The following TTC12 variants were observed in gnomAD, a reference collection of about 807,000 sequenced individuals.
TTC12 encodes tetratricopeptide repeat protein 12.
Under a neutral mutation model 90.1 loss-of-function variants are expected in TTC12, and 70 were observed. That is an observed-to-expected ratio of 0.78 (90% CI 0.64 to 0.95). The LOEUF (loss-of-function observed/expected upper bound fraction) is 0.95, where lower values mean the gene tolerates loss of function less well. TTC12 is among the 40% of genes least tolerant of loss of function. The pLI is 0.00. For synonymous variants in TTC12, 296 were observed against 311.5 expected (o/e 0.95, Z 0.53); for missense variants, 819 against 846.1 (o/e 0.97, Z 0.40).
rs972740340 is a variant in TTC12 at position 113,352,279 on chromosome 11, A to G, written c.1446+72A>G. On this transcript the variant is annotated intron_variant, in intron 16 of 21. Coordinates refer to ENST00000529221, the MANE Select transcript of TTC12 (RefSeq NM_017868.4). Reference sequence around the variant, plus strand: ...GCATTAGCGTCTTCTTAGTTATCTGACTTTTCCAAAAATTCTGTTTCTGTG... The same window carrying G: ...GCATTAGCGTCTTCTTAGTTATCTGGCTTTTCCAAAAATTCTGTTTCTGTG... 9 of 1,599,642 alleles carry G rather than the reference A, an allele frequency of 5.6e-6. No homozygotes were observed. In the Admixed American group the frequency reaches 1.4e-4, roughly 25 times the overall value.
chr11:113,341,998 C>G lies in TTC12; in HGVS notation c.985+73C>G, dbSNP rs1354164638. The stretch of plus-strand genomic sequence containing the variant: ...GGAACTACGCTGTTGGGTGGACTGT[C>G]CTCCCCAAAGGCCAGGCCCTGGAAA... On this transcript the variant is annotated intron_variant, in intron 12 of 21. Coordinates refer to ENST00000529221, the MANE Select transcript of TTC12 (RefSeq NM_017868.4). The G allele has an allele frequency of 9.8e-6, 13 of 1,332,032 alleles. 1 individual carries two copies. The highest frequency in any genetic ancestry group is 3.6e-4 in the Middle Eastern group (2 of 5,516). 82.5% of individuals were successfully genotyped at this position (1,332,032 alleles called of 1,614,324 possible).
intron 16 of TTC12, among the ~76,000 whole-genome samples, chr11:113,356,123 G>A (rs1253166543): frequency 6.6e-6 from 1 of 152,216 alleles, no homozygotes; most frequent in Non-Finnish European, 1.5e-5. Flanking sequence ...GGATGTTTCT[G>A]TGTTTGGTGC....
Position 113,338,943 on chromosome 11 carries a change from A to C in TTC12, c.637+109A>C, listed in dbSNP as rs868967571. 9.3e-6 allele frequency: 9 copies of C among 971,602 alleles called. No homozygotes were observed. The Middle Eastern group carries it at 1.9e-3, about 205-fold the overall frequency. 60.2% of individuals were successfully genotyped at this position (971,602 alleles called of 1,614,324 possible). A position where few individuals can be genotyped will look rare whatever the true frequency, so the allele number is the denominator to read the frequency against. On this transcript the variant is annotated intron_variant, in intron 9 of 21. Transcript: ENST00000529221. ...GCCCTTGGCCACTAGGCAGCGGCGG[A>C]TCCTCTTTCCTGCACAGTTGGGTCC... is the stretch of plus-strand genomic sequence containing the variant.
intron 2 of TTC12, among the ~76,000 whole-genome samples, chr11:113,321,122 A>G (rs1034896308): frequency 2.0e-5 from 3 of 152,198 alleles, no homozygotes; most frequent in Admixed American, 6.5e-5. Flanking sequence ...AGAAATCCAA[A>G]TGGGTGCAAA....
intron 20 of TTC12, 137 bp downstream of exon 20, chr11:113,364,064 A>G: frequency 1.6e-6 from 1 of 614,876 alleles, no homozygotes; most frequent in African/African-American, 1.9e-5. Flanking sequence ...TGTTTACAGA[A>G]GATGTTTCAC....
At chr11:113,324,500 A>G (rs570912421) in intron 4 of TTC12, 105 bp from the exon 5 acceptor site, 6 of 784,788 alleles carry the variant, frequency 7.6e-6, no homozygotes, top group Admixed American at 4.7e-5. Context: ...GCCTGTGTGC[A>G]TATGCATACG....
rs201618097 is a variant in TTC12, at chr11:113,364,934, C to A, written c.1916C>A (p.Ala639Glu). 6.2e-7 allele frequency: 1 copy of A among 1,614,136 alleles called. No individual in the cohort carries two copies. Among genetic ancestry groups the A allele is most frequent in the Admixed American group, 1.7e-5 (1 of 60,026 alleles). Residue 639 changes from alanine to glutamate, a missense_variant, in exon 21 of 22, where the codon GCG becomes GAG. Physicochemically the swap from Ala to Glu is moderately radical, Grantham distance 107. Coordinates refer to ENST00000529221, the MANE Select transcript of TTC12 (RefSeq NM_017868.4). ...AACTGCATGGAGGTGCCCAACGTTG[C>A]GTCTTCCCTGCTAAAGACGGACCTT... ...LGNCMEVPNV[A>E]SSLLKTDLLQ...
In TTC12 at chr11:113,316,310, A is replaced by G; in HGVS notation, c.53A>G (p.Glu18Gly). Residue 18 changes from glutamate to glycine, a missense_variant, in exon 2 of 22, where the codon GAA (glutamate) becomes GGA (glycine). Coordinates refer to ENST00000529221, the MANE Select transcript of TTC12 (RefSeq NM_017868.4). Reference sequence around the variant, plus strand: ...CAGAAATTTCTTAAAAATGTGGATGAAATCTGTAAGTACTAGTAAATCATA... The same window carrying G: ...CAGAAATTTCTTAAAAATGTGGATGGAATCTGTAAGTACTAGTAAATCATA... ...DLQKFLKNVD[E>G]ISNLIQEMNS... The G allele has an allele frequency of 6.9e-7, 1 of 1,450,434 alleles. No homozygotes were observed. The highest frequency in any genetic ancestry group is 2.4e-5 in the East Asian group (1 of 41,106). The allele number at this position is 1,450,434 out of a possible 1,614,324, so 89.8% of individuals were successfully genotyped here.
chr11:113,326,344 T>TTG (rs1947694738), intron 6 of TTC12, among the ~76,000 whole-genome samples: 1 of 152,120 alleles, frequency 6.6e-6, no homozygotes, highest in East Asian at 1.9e-4. Flanking sequence ...AGTTTAGTTT[T>TTG]TGTGTGGTAG....
chr11:113,324,214 A>G (rs1211688686), intron 4 of TTC12, 199 bp downstream of exon 4: 5 of 559,778 alleles, frequency 8.9e-6, no homozygotes, highest in Middle Eastern at 3.9e-4. Flanking sequence ...CTCTTGGTCA[A>G]CCTTTTGTAA....
At chr11:113,341,667 T>A (rs1479101057) in intron 11 of TTC12, 170 bp from the exon 12 acceptor site, 9 of 618,494 alleles carry the variant, frequency 1.5e-5, no homozygotes, top group Non-Finnish European at 2.3e-5. Flanking sequence ...ATCCGTGGCC[T>A]GGGACTCATG....
At position 113,347,040 on chromosome 11, in the gene TTC12, G is replaced by A. The variant is rs533656242; in HGVS notation, c.1154+2600G>A. Among the ~76,000 whole-genome samples the A allele has an allele frequency of 5.3e-5, 8 of 152,296 alleles. No homozygotes were observed. In the South Asian group the frequency reaches 1.7e-3, roughly 32 times the overall value. On this transcript the variant is annotated intron_variant, in intron 13 of 21. Coordinates refer to ENST00000529221, the MANE Select transcript of TTC12 (RefSeq NM_017868.4). Reference sequence around the variant, plus strand: ...TAGGTGCTGAGTCCAGTTAGGATGTGTGCATTGTCACATAGTGAGGGGGCC... The same window carrying A: ...TAGGTGCTGAGTCCAGTTAGGATGTATGCATTGTCACATAGTGAGGGGGCC...
intron 17 of TTC12, 79 bp from the exon 18 acceptor site, chr11:113,359,861 G>A: frequency 8.8e-7 from 1 of 1,132,340 alleles, no homozygotes; most frequent in Non-Finnish European, 1.3e-6. Context: ...AAAGGAGACG[G>A]TGCTCAGAAG....
rs371074508 is a variant in TTC12 at position 113,334,955 on chromosome 11, C to T, written c.505-11C>T. 1 of 1,611,770 alleles carries T rather than the reference C, an allele frequency of 6.2e-7. No individual in the cohort carries two copies. Among genetic ancestry groups the T allele is most frequent in the Non-Finnish European group, 8.5e-7 (1 of 1,178,038 alleles). ...TCTAAAACTTCTGATCAGTCATTCT[C>T]TTTTATGCAGTGTGATGAAAAATGC... is the stretch of plus-strand genomic sequence containing the variant. On this transcript the variant is annotated splice_polypyrimidine_tract_variant and intron_variant, in intron 7 of 21. Transcript: ENST00000529221.
At chr11:113,368,747 G>A, downstream of TTC12, 1 of 528,420 alleles carries the variant, frequency 1.9e-6, no homozygotes, top group Non-Finnish European at 3.4e-6. Flanking sequence ...TTAAGGATAG[G>A]TTCAAATAAG....
intron 13 of TTC12, among the ~76,000 whole-genome samples, chr11:113,348,108 A>G (rs566737680): frequency 1.3e-5 from 2 of 152,150 alleles, no homozygotes; most frequent in South Asian, 2.1e-4. Flanking sequence ...TGTAAGTCTC[A>G]CTCTGTTGAG....
In TTC12 at chr11:113,324,184, G is replaced by A. The variant is rs1026166183; in HGVS notation, c.244+169G>A. 9 of 581,902 alleles carry A rather than the reference G, an allele frequency of 1.5e-5. No homozygotes were observed. In the East Asian group the frequency reaches 2.6e-4, roughly 17 times the overall value. 36.0% of individuals were successfully genotyped at this position (581,902 alleles called of 1,614,324 possible). A position where few individuals can be genotyped will look rare whatever the true frequency, so the allele number is the denominator to read the frequency against. ...ACTAGTGATCAGCGGGAATGTCCCT[G>A]AGAGGTTTTTCTTTATTTTCTCTTG... On this transcript the variant is annotated intron_variant, in intron 4 of 21. Coordinates refer to ENST00000529221, the MANE Select transcript of TTC12 (RefSeq NM_017868.4).
intron 2 of TTC12, among the ~76,000 whole-genome samples, chr11:113,321,656 C>G (rs1431485409): frequency 6.6e-6 from 1 of 152,192 alleles, no homozygotes; most frequent in Non-Finnish European, 1.5e-5. Context: ...GAGCCTATTT[C>G]TCTGCCACTT....
chr11:113,338,760 T>C lies in TTC12; in HGVS notation c.577-14T>C, dbSNP rs781866119. 3 of 1,611,366 alleles carry C rather than the reference T, an allele frequency of 1.9e-6. No homozygotes were observed. The highest frequency in any genetic ancestry group is 1.7e-6 in the Non-Finnish European group (2 of 1,177,658). ...ACCCCAACCACTCTTCAAGGTCTTG[T>C]TTCTTTTTTCCAGTCTAGAGAGTGT... On this transcript the variant is annotated splice_polypyrimidine_tract_variant and intron_variant, in intron 8 of 21. Transcript: ENST00000529221.
Sources: allele counts gnomAD v4.1 joint callset (sites outside exome capture counted in the v4.1 genomes callset), GRCh38; gene constraint gnomAD v4.1.1; transcripts MANE v1.5; gene names NCBI Gene and HGNC (gene_info 2026-07-23, HGNC 2026-07-21).